Variants in LTBP1 observed in about 807,000 individuals in gnomAD.
The protein encoded by LTBP1 is latent-transforming growth factor beta-binding protein 1.
A neutral mutation model predicts 207.6 loss-of-function variants in LTBP1; 129 were observed. The observed-to-expected ratio is 0.62, with a 90% CI of 0.54 to 0.72. The LOEUF (loss-of-function observed/expected upper bound fraction) is 0.72, where lower values mean the gene tolerates loss of function less well. Ranked by LOEUF, LTBP1 falls within the 30% of genes least tolerant of loss-of-function variation. LTBP1 has a pLI of 0.00. For missense variants in LTBP1, 2,281 were observed against 2,217.2 expected, an observed-to-expected ratio of 1.03 and a Z score of -0.58; for synonymous variants, 963 against 833.7, an observed-to-expected ratio of 1.16 and a Z score of -2.67.
chr2:33,380,715 G>A (rs1438514472), intron 31 of LTBP1, among the ~76,000 whole-genome samples: 2 of 151,998 alleles, frequency 1.3e-5, no homozygotes, highest in Non-Finnish European at 2.9e-5. Flanking sequence ...TTCCCCTCCT[G>A]TATTTTTTGT....
intron 31 of LTBP1, among the ~76,000 whole-genome samples, chr2:33,386,148 T>G (rs1477780845): frequency 1.3e-5 from 2 of 152,210 alleles, no homozygotes; most frequent in African/African-American, 4.8e-5. Flanking sequence ...CTTGATGCCT[T>G]TGGGTACGTG....
Position 33,342,917 on chromosome 2 carries a change from C to A in LTBP1, c.3810C>A (p.Leu1270=). The A allele has an allele frequency of 6.2e-7, 1 of 1,614,102 alleles. No homozygotes were observed. The highest frequency in any genetic ancestry group is 8.5e-7 in the Non-Finnish European group (1 of 1,179,962). Reference sequence around the variant, plus strand: ...ATACAGCTGGCTCCTTCCGCTGCCTCTGTTATCAGGGCTTTCAAGCCCCAC... The same window carrying A: ...ATACAGCTGGCTCCTTCCGCTGCCTATGTTATCAGGGCTTTCAAGCCCCAC... ...CDNTAGSFRC[L]CYQGFQAPQD... is the part of the protein sequence containing the mutation. The change falls in exon 25 of 34, where the codon CTC becomes CTA. Residue 1270 remains leucine, a synonymous_variant. Coordinates refer to ENST00000404816, the MANE Select transcript of LTBP1 (RefSeq NM_206943.4).
intron 9 of LTBP1, among the ~76,000 whole-genome samples, chr2:33,238,584 A>G (rs1558866246): frequency 1.3e-5 from 2 of 152,194 alleles, no homozygotes; most frequent in East Asian, 3.8e-4. Flanking sequence ...AGGAGAGGAC[A>G]CTGAGATCAA....
intron 26 of LTBP1, among the ~76,000 whole-genome samples, chr2:33,356,535 C>A (rs553931310): frequency 6.6e-6 from 1 of 151,968 alleles, no homozygotes; most frequent in Non-Finnish European, 1.5e-5. Flanking sequence ...AAAAATTCGC[C>A]GGGCATGGTG....
At chr2:33,245,657 C>G (rs2092485219) in intron 10 of LTBP1, among the ~76,000 whole-genome samples, 1 of 152,066 alleles carries the variant, frequency 6.6e-6, no homozygotes, top group African/African-American at 2.4e-5. Context: ...AAATTTCAGG[C>G]CAAAAATCAC....
chr2:33,256,451 C>T lies in LTBP1; in HGVS notation c.2168-833C>T, dbSNP rs75785851. On this transcript the variant is annotated intron_variant, in intron 11 of 33. Transcript: ENST00000404816. ...AACTGGAAGCAAACTGTGAGGATTT[C>T]GGCATCTCATTTCCCTGAATAGTGA... Among the ~76,000 whole-genome samples the T allele has an allele frequency of 5.8e-3, 875 of 151,962 alleles. 12 individuals are homozygous for T. Among genetic ancestry groups the T allele is most frequent in the African/African-American group, 0.02 (839 of 41,438 alleles).
chr2:33,201,351 A>C lies in LTBP1; in HGVS notation c.1701+12500A>C, dbSNP rs549825669. 3.9e-5 allele frequency among the ~76,000 whole-genome samples: 6 copies of C among 152,274 alleles called. No homozygotes were observed. In the East Asian group the frequency reaches 9.7e-4, roughly 25 times the overall value. On this transcript the variant is annotated intron_variant, in intron 7 of 33. Transcript: ENST00000404816. ...AGGGACAGGGATGAAATTGGAAATC[A>C]TCATTCTCAGTAAACTATGGCAAGG...
chr2:33,315,270 G>A lies in LTBP1; in HGVS notation c.3730+1G>A, dbSNP rs868500853. 2 of 1,610,974 alleles carry A rather than the reference G, an allele frequency of 1.2e-6. No individual in the cohort carries two copies. The highest frequency in any genetic ancestry group is 2.2e-5 in the East Asian group (1 of 44,850). ...TCTGCAGATGGCCGTACGTGTGAAG[G>A]TAAGATAAACCATACGAAATCATAT... On this transcript the variant is annotated splice_donor_variant, in intron 24 of 33. Transcript: ENST00000404816. LOFTEE classifies it high-confidence loss of function.
At chr2:32,956,616 A>AGGGCTGGAATCAGCTT (rs1286534332) in intron 2 of LTBP1, among the ~76,000 whole-genome samples, 1 of 152,194 alleles carries the variant, frequency 6.6e-6, no homozygotes, top group East Asian at 1.9e-4. Flanking sequence ...GTCATCCATG[A>AGGGCTGGAATCAGCTT]GGGCTGGAAT....
intron 7 of LTBP1, among the ~76,000 whole-genome samples, chr2:33,196,525 T>A (rs763897719): frequency 1.3e-5 from 2 of 151,646 alleles, no homozygotes; most frequent in African/African-American, 2.4e-5. Flanking sequence ...ATCTAAGAAG[T>A]CAAGTTGAAA....
intron 24 of LTBP1, among the ~76,000 whole-genome samples, chr2:33,325,060 C>G (rs2094409570): frequency 6.6e-6 from 1 of 152,160 alleles, no homozygotes; most frequent in Non-Finnish European, 1.5e-5. Flanking sequence ...TGTAGTAATT[C>G]ATTTATATAT....
intron 5 of LTBP1, among the ~76,000 whole-genome samples, chr2:33,174,088 A>C (rs1572977779): frequency 6.8e-6 from 1 of 147,394 alleles, no homozygotes; most frequent in East Asian, 2.0e-4. Flanking sequence ...CCCTTTGAAA[A>C]GTGGCACAAG....
intron 5 of LTBP1, among the ~76,000 whole-genome samples, chr2:33,142,410 C>T (rs2082703760): frequency 6.6e-6 from 1 of 152,082 alleles, no homozygotes; most frequent in Admixed American, 6.5e-5. Flanking sequence ...TGGTATGGAG[C>T]TTGCTTTTAA....
Position 32,967,127 on chromosome 2 carries a change from T to A in LTBP1, c.565+18182T>A, listed in dbSNP as rs1003169513. ...GTGGGCATAGAATTCATAATATTCCTTTATTATTCCTTTAACGTTCATAGG... is the reference window on the plus strand; with the variant it reads ...GTGGGCATAGAATTCATAATATTCCATTATTATTCCTTTAACGTTCATAGG... On this transcript the variant is annotated intron_variant, in intron 2 of 33. Transcript: ENST00000404816. Among the ~76,000 whole-genome samples, 4 of 152,276 alleles carry A rather than the reference T, an allele frequency of 2.6e-5. No individual in the cohort carries two copies. In the East Asian group the frequency reaches 7.7e-4, roughly 29 times the overall value.
intron 2 of LTBP1, among the ~76,000 whole-genome samples, chr2:32,970,027 G>T (rs928039960): frequency 2.6e-5 from 4 of 152,176 alleles, no homozygotes; most frequent in African/African-American, 9.6e-5. Context: ...ATTAATGATG[G>T]TGAGCATTTT....
At position 33,186,958 on chromosome 2, in the gene LTBP1, A is replaced by G; in HGVS notation, c.1304A>G (p.His435Arg). Residue 435 changes from histidine to arginine, a missense_variant, in exon 6 of 34, where the codon CAT (histidine) becomes CGT (arginine). Transcript: ENST00000404816. ...GGAAAACTTTGTCAGATCCCAGTCC[A>G]TGGTGCCAGCGTGCCTAAACTTTAT... is the stretch of plus-strand genomic sequence containing the variant. ...FTGKLCQIPV[H>R]GASVPKLYQH... The G allele has an allele frequency of 1.2e-6, 2 of 1,614,222 alleles. No individual in the cohort carries two copies. The highest frequency in any genetic ancestry group is 1.1e-5 in the South Asian group (1 of 91,088).
intron 7 of LTBP1, among the ~76,000 whole-genome samples, chr2:33,206,262 A>G (rs1039141873): frequency 1.1e-4 from 17 of 152,326 alleles, no homozygotes; most frequent in Admixed American, 9.8e-4. Context: ...AACCACAGGT[A>G]ATTATTAGTT....
chr2:33,064,944 A>C (rs1340850502), intron 3 of LTBP1, among the ~76,000 whole-genome samples: 8 of 152,226 alleles, frequency 5.3e-5, no homozygotes, highest in Admixed American at 4.6e-4. Context: ...AATGTAGAAC[A>C]GGAGTGGTGA....
At position 33,215,719 on chromosome 2, in the gene LTBP1, TTTTG is replaced by T. The variant is rs2090630183; in HGVS notation, c.1702-1829_1702-1826del. 9.0e-5 allele frequency among the ~76,000 whole-genome samples: 13 copies of T among 144,126 alleles called. 1 individual carries two copies. Among genetic ancestry groups the T allele is most frequent in the Admixed American group, 3.4e-4 (5 of 14,606 alleles). The allele number at this position is 144,126 out of a possible 152,430, so 94.6% of individuals were successfully genotyped here. A position where few individuals can be genotyped will look rare whatever the true frequency, so the allele number is the denominator to read the frequency against. On this transcript the variant is annotated intron_variant, in intron 7 of 33. Transcript: ENST00000404816. ...AAACTTCCATTGGTTTTCTTTTGTT[TTTTG>T]TTTTTTTTTTTTGAGATAGAGTCTC...
Sources: gnomAD v4.1 joint callset for allele counts (sites outside exome capture counted in the v4.1 genomes callset) on GRCh38, gnomAD v4.1.1 for gene constraint, MANE v1.5 for transcripts, NCBI Gene and HGNC (gene_info 2026-07-23, HGNC 2026-07-21) for gene names.